HDAC4: variants seen among roughly 807,000 people sequenced by gnomAD.
HDAC4 encodes the protein histone deacetylase A.
In HDAC4, 16 loss-of-function variants were observed where a neutral mutation model predicts 135.1. The observed-to-expected ratio is 0.12, with a 90% CI of 0.08 to 0.18. The LOEUF is 0.18. Among genes scored for constraint, HDAC4 ranks in the 10% least tolerant of loss-of-function variants. The pLI is 1.00. For missense variants in HDAC4, 1,143 were observed against 1,511.8 expected (o/e 0.76, Z 4.05); for synonymous variants, 685 against 653.4 (o/e 1.05, Z -0.74).
At chr2:239,217,638 G>A (rs1218693382) in intron 3 of HDAC4, among the ~76,000 whole-genome samples, 1 of 152,140 alleles carries the variant, frequency 6.6e-6, no homozygotes, top group Non-Finnish European at 1.5e-5. Context: ...TAGGGAAAGC[G>A]TATGAGCTCA....
At chr2:239,164,553 A>G (rs775110119) in intron 5 of HDAC4, among the ~76,000 whole-genome samples, 1 of 152,202 alleles carries the variant, frequency 6.6e-6, no homozygotes, top group African/African-American at 2.4e-5. Context: ...GAACTGGCAA[A>G]AAAGGCCACT....
chr2:239,095,665 G>A (rs553992484), intron 16 of HDAC4, among the ~76,000 whole-genome samples: 4 of 152,246 alleles, frequency 2.6e-5, no homozygotes, highest in South Asian at 2.1e-4. Context: ...CATGGAAATC[G>A]GGGCCCTCGA....
intron 2 of HDAC4, among the ~76,000 whole-genome samples, chr2:239,279,830 C>A (rs1405946685): frequency 6.6e-6 from 1 of 152,204 alleles, no homozygotes; most frequent in Non-Finnish European, 1.5e-5. Context: ...GGATGAATGG[C>A]CAGCTCTCAC....
rs138463443 is a variant in HDAC4, at chr2:239,111,646, C to T, written c.1858G>A (p.Ala620Thr). The T allele has an allele frequency of 1.6e-5, 26 of 1,607,246 alleles. No individual in the cohort carries two copies. The highest frequency in any genetic ancestry group is 5.3e-5 in the African/African-American group (4 of 74,808). ...CCGCCGAAGGACACGGGGATGCCGGCGGCCTCCATGGACGCCTGGTAGTTC... is the reference window on the plus strand; with the variant it reads ...CCGCCGAAGGACACGGGGATGCCGGTGGCCTCCATGGACGCCTGGTAGTTC... ...LRNYQASMEAAGIPVSFGGHR... is the reference protein window; with the variant it reads ...LRNYQASMEATGIPVSFGGHR... The change falls in exon 14 of 27, where the codon GCC becomes ACC. Residue 620 changes from alanine to threonine, a missense_variant. By Grantham distance (58) the Ala-to-Thr change is moderately conservative (BLOSUM62 0). Transcript: ENST00000543185.
chr2:239,081,045 A>C lies in HDAC4; in HGVS notation c.2750+50T>G, dbSNP rs774787309. On this transcript the variant is annotated intron_variant, in intron 22 of 26. Transcript: ENST00000543185. ...AACAAGTGCTTCCTGGAATGTGTGCACAGAGGAAAAGCTGCTACTTCAGGT... is the reference window on the plus strand; with the variant it reads ...AACAAGTGCTTCCTGGAATGTGTGCCCAGAGGAAAAGCTGCTACTTCAGGT... 5.7e-6 allele frequency: 8 copies of C among 1,394,090 alleles called. No individual in the cohort carries two copies. In the East Asian group the frequency reaches 1.4e-4, roughly 24 times the overall value. The allele number at this position is 1,394,090 out of a possible 1,614,324, so 86.4% of individuals were successfully genotyped here.
chr2:239,149,664 C>G (rs1274236395), intron 7 of HDAC4, among the ~76,000 whole-genome samples: 3 of 152,198 alleles, frequency 2.0e-5, no homozygotes, highest in African/African-American at 7.2e-5. Context: ...CGCTGCCCAG[C>G]TCCGGGGCAC....
At chr2:239,381,715 A>G (rs1575784563) in intron 1 of HDAC4, among the ~76,000 whole-genome samples, 1 of 152,316 alleles carries the variant, frequency 6.6e-6, no homozygotes, top group Non-Finnish European at 1.5e-5. Context: ...GCGACGGACA[A>G]TTCATTGTCC....
At chr2:239,137,975 A>G (rs2152895008) in intron 9 of HDAC4, among the ~76,000 whole-genome samples, 1 of 152,308 alleles carries the variant, frequency 6.6e-6, no homozygotes, top group South Asian at 2.1e-4. Context: ...AGACCCACCC[A>G]AACAAGGCAC....
At position 239,313,550 on chromosome 2, in the gene HDAC4, T is replaced by C. The variant is rs945894166; in HGVS notation, c.22+39128A>G. Among the ~76,000 whole-genome samples the C allele has an allele frequency of 2.6e-5, 4 of 152,078 alleles. No homozygotes were observed. Among genetic ancestry groups the C allele is most frequent in the African/African-American group, 4.8e-5 (2 of 41,404 alleles). ...TGACCGGAATCATCCCAGTTTTCCA[T>C]GGCACTTCGCAAACACAGCTGGTCA... On this transcript the variant is annotated intron_variant, in intron 2 of 26. Transcript: ENST00000543185. The surrounding 1 kb of genome is among the most constrained non-coding windows in gnomAD (Gnocchi z 5.1).
intron 3 of HDAC4, among the ~76,000 whole-genome samples, chr2:239,226,192 C>T (rs2047231220): frequency 6.6e-6 from 1 of 152,120 alleles, no homozygotes; most frequent in Non-Finnish European, 1.5e-5. Context: ...GCCCTTTAAC[C>T]AGAAATGATG....
intron 16 of HDAC4, among the ~76,000 whole-genome samples, chr2:239,095,344 C>T (rs1052651964): frequency 6.6e-6 from 1 of 152,198 alleles, no homozygotes; most frequent in South Asian, 2.1e-4. Context: ...CACCAAGCCA[C>T]TGGGGAGCAC....
chr2:239,390,959 CCA>C (rs1696158177), intron 1 of HDAC4, among the ~76,000 whole-genome samples: 1 of 152,186 alleles, frequency 6.6e-6, no homozygotes, highest in African/African-American at 2.4e-5. Context: ...TTACGCACAG[CCA>C]CAGTCTCAGG....
intron 12 of HDAC4, among the ~76,000 whole-genome samples, chr2:239,124,536 G>A (rs2039972504): frequency 6.6e-6 from 1 of 151,992 alleles, no homozygotes; most frequent in Admixed American, 6.5e-5. Context: ...GCCGGCGTGT[G>A]GCCGTGCGTC....
chr2:239,108,788 C>T (rs3791406), intron 14 of HDAC4, among the ~76,000 whole-genome samples: 86,716 of 152,150 alleles, frequency 0.57, 26,501 homozygotes, highest in South Asian at 0.76. Context: ...TCTACTTAAC[C>T]TCTGACTGTG....
chr2:239,074,722 A>G (rs968891498), intron 22 of HDAC4, among the ~76,000 whole-genome samples: 3 of 152,238 alleles, frequency 2.0e-5, no homozygotes, highest in Admixed American at 6.5e-5. Context: ...TGGCGCGACT[A>G]AGAAACGTCC....
intron 5 of HDAC4, among the ~76,000 whole-genome samples, chr2:239,170,650 A>C (rs916729235): frequency 3.9e-5 from 6 of 152,240 alleles, no homozygotes; most frequent in African/African-American, 1.4e-4. Context: ...AGGTAATTCA[A>C]TTAAACCTAC....
chr2:239,166,912 C>A (rs1350262596), intron 5 of HDAC4, among the ~76,000 whole-genome samples: 1 of 152,202 alleles, frequency 6.6e-6, no homozygotes, highest in Non-Finnish European at 1.5e-5. Context: ...TGGGTAACTT[C>A]AATTTTTTGC....
chr2:239,347,128 C>T (rs1692776237), intron 2 of HDAC4, among the ~76,000 whole-genome samples: 1 of 152,204 alleles, frequency 6.6e-6, no homozygotes, highest in African/African-American at 2.4e-5. Flanking sequence ...TTGTGGTATT[C>T]CTGAGACATT....
intron 3 of HDAC4, among the ~76,000 whole-genome samples, chr2:239,225,939 G>T (rs1280946716): frequency 6.6e-6 from 1 of 152,184 alleles, no homozygotes; most frequent in East Asian, 1.9e-4. Flanking sequence ...TCTGGTAGGG[G>T]ACATGGTGTT....
Sources: allele counts gnomAD v4.1 joint callset (sites outside exome capture counted in the v4.1 genomes callset), GRCh38; gene constraint gnomAD v4.1.1; non-coding constraint Gnocchi (gnomAD v3.1); transcripts MANE v1.5; gene names NCBI Gene and HGNC (gene_info 2026-07-23, HGNC 2026-07-21).